PNRC1: variants seen among roughly 807,000 people sequenced by gnomAD.
PNRC1 encodes the protein proline rich nuclear receptor coactivator 1.
Under a neutral mutation model 20.2 loss-of-function variants are expected in PNRC1, and 6 were observed. The ratio of observed to expected loss-of-function variants is 0.30; its 90% CI spans 0.16 to 0.59. PNRC1 has a LOEUF of 0.59. Among genes scored for constraint, PNRC1 ranks in the 20% least tolerant of loss-of-function variants. The pLI is 0.89. For synonymous variants in PNRC1, 202 were observed against 186.9 expected (o/e 1.08, Z -0.66); for missense variants, 488 against 430.2 (o/e 1.13, Z -1.19).
At chr6:89,081,656 G>A (rs1768001280) in intron 1 of PNRC1, among the ~76,000 whole-genome samples, 1 of 152,134 alleles carries the variant, frequency 6.6e-6, no homozygotes, top group African/African-American at 2.4e-5. Context: ...TTGGCTCCCA[G>A]GAGTCGGCCA....
In PNRC1 at chr6:89,084,286, G is replaced by A; in HGVS notation, c.*90G>A. 1.2e-6 allele frequency: 1 copy of A among 803,864 alleles called. No individual in the cohort carries two copies. The highest frequency in any genetic ancestry group is 2.0e-5 in the South Asian group (1 of 49,360). The allele number at this position is 803,864 out of a possible 1,614,324, so 49.8% of individuals were successfully genotyped here. Reference sequence around the variant, plus strand: ...TGGTACAGAAATGGAAATTTGCCTTGTTGCAACATACAATTGCAAAAGATG... The same window carrying A: ...TGGTACAGAAATGGAAATTTGCCTTATTGCAACATACAATTGCAAAAGATG... On this transcript the variant is annotated 3_prime_UTR_variant, in exon 2 of 2. Coordinates refer to ENST00000336032, the MANE Select transcript of PNRC1 (RefSeq NM_006813.3).
chr6:89,081,365 G>C lies in PNRC1; in HGVS notation c.471G>C (p.Thr157=). Residue 157 remains threonine, a synonymous_variant, in exon 1 of 2, where the codon ACG becomes ACC. Transcript: ENST00000336032. The part of the protein sequence containing the change: ...LAPSPAAAAG[T]EGASPDLAPL... ...CGAGTCCTGCAGCCGCAGCCGGCACGGAGGGAGCCAGCCCCGACCTTGCCC... is the reference window on the plus strand; with the variant it reads ...CGAGTCCTGCAGCCGCAGCCGGCACCGAGGGAGCCAGCCCCGACCTTGCCC... 7.0e-7 allele frequency: 1 copy of C among 1,435,194 alleles called. No homozygotes were observed. Among genetic ancestry groups the C allele is most frequent in the East Asian group, 3.0e-5 (1 of 33,870 alleles). The allele number at this position is 1,435,194 out of a possible 1,614,324, so 88.9% of individuals were successfully genotyped here.
intron 1 of PNRC1, among the ~76,000 whole-genome samples, chr6:89,083,492 C>T (rs372359816): frequency 6.6e-5 from 10 of 152,198 alleles, no homozygotes; most frequent in East Asian, 1.9e-4. Context: ...TTGTTCCCCA[C>T]TATATCCATG....
At chr6:89,081,886 C>G (rs796538138) in intron 1 of PNRC1, 1 of 152,600 alleles carries the variant, frequency 6.6e-6, no homozygotes, top group Non-Finnish European at 1.5e-5. Context: ...GGCTTTCGGC[C>G]TCCCGGCTAT....
chr6:89,084,360 T>C lies in PNRC1; in HGVS notation c.*164T>C, dbSNP rs1416169333. 1.7e-6 allele frequency: 1 copy of C among 575,544 alleles called. No individual in the cohort carries two copies. The highest frequency in any genetic ancestry group is 3.1e-6 in the Non-Finnish European group (1 of 321,770). The allele number at this position is 575,544 out of a possible 1,614,324, so 35.7% of individuals were successfully genotyped here. ...AGCTTGTATTATATTTTATATTTTG[T>C]AAATACTGTATACCATGTATTATGT... On this transcript the variant is annotated 3_prime_UTR_variant, in exon 2 of 2. Coordinates refer to ENST00000336032, the MANE Select transcript of PNRC1 (RefSeq NM_006813.3).
At chr6:89,082,490 G>A (rs1000610051) in intron 1 of PNRC1, 1 of 152,124 alleles carries the variant, frequency 6.6e-6, no homozygotes, top group African/African-American at 2.4e-5. Context: ...CACGACTTTT[G>A]AAATATCCGT....
chr6:89,082,548 C>T (rs573366608), intron 1 of PNRC1: 2 of 152,332 alleles, frequency 1.3e-5, no homozygotes, highest in South Asian at 4.1e-4. Context: ...TTTTCTAGAA[C>T]AGGTACTAAC....
At position 89,081,007 on chromosome 6, in the gene PNRC1, C is replaced by T. The variant is rs933708411; in HGVS notation, c.113C>T (p.Ala38Val). The T allele has an allele frequency of 4.3e-6, 7 of 1,612,574 alleles. No homozygotes were observed. The highest frequency in any genetic ancestry group is 5.9e-6 in the Non-Finnish European group (7 of 1,179,878). Residue 38 changes from alanine (A) to valine (V), a missense_variant, in exon 1 of 2, where the codon GCT becomes GTT. Physicochemically the swap from Ala to Val is moderately conservative, Grantham distance 64. Coordinates refer to ENST00000336032, the MANE Select transcript of PNRC1 (RefSeq NM_006813.3). ...YFGALPMVTT[A>V]PPPLPRIPDP... ...GGGGCCCTCCCGATGGTGACCACGG[C>T]TCCGCCTCCTTTACCCCGGATCCCG...
In PNRC1 at chr6:89,081,365, G is replaced by A. The variant is rs1433193597; in HGVS notation, c.471G>A (p.Thr157=). 2 of 1,435,096 alleles carry A rather than the reference G, an allele frequency of 1.4e-6. No individual in the cohort carries two copies. Among genetic ancestry groups the A allele is most frequent in the Admixed American group, 5.9e-5 (2 of 33,934 alleles). 88.9% of individuals were successfully genotyped at this position (1,435,096 alleles called of 1,614,324 possible). A position where few individuals can be genotyped will look rare whatever the true frequency, so the allele number is the denominator to read the frequency against. The stretch of plus-strand genomic sequence containing the variant: ...CGAGTCCTGCAGCCGCAGCCGGCAC[G>A]GAGGGAGCCAGCCCCGACCTTGCCC... ...LAPSPAAAAG[T]EGASPDLAPL... The change falls in exon 1 of 2, where the codon ACG becomes ACA. Residue 157 remains threonine, a synonymous_variant. Transcript: ENST00000336032.
intron 1 of PNRC1, among the ~76,000 whole-genome samples, 187 bp from the exon 2 acceptor site, chr6:89,083,566 G>A (rs1768049502): frequency 6.6e-6 from 1 of 152,108 alleles, no homozygotes; most frequent in Non-Finnish European, 1.5e-5. Flanking sequence ...TTGGTTTTCT[G>A]TTTCTGCATT....
rs1285668464 is a variant in PNRC1, at chr6:89,080,949, G to T, written c.55G>T (p.Ala19Ser). 1 of 1,613,138 alleles carries T rather than the reference G, an allele frequency of 6.2e-7. No individual in the cohort carries two copies. The highest frequency in any genetic ancestry group is 8.5e-7 in the Non-Finnish European group (1 of 1,180,034). The change falls in exon 1 of 2, where the codon GCG becomes TCG. Residue 19 changes from alanine to serine, a missense_variant. Physicochemically the swap from Ala to Ser is moderately conservative, Grantham distance 99. Transcript: ENST00000336032. ...GCCGCTCGTCCTGGGTGGCCGCCTT[G>T]CGCCGCTTGGCTTTTCCTCCCGAGG... ...REPLVLGGRL[A>S]PLGFSSRGYF...
In PNRC1 at chr6:89,084,852, TTG is replaced by T. The variant is rs948538404; in HGVS notation, c.*663_*664del. 1.3e-5 allele frequency: 2 copies of T among 152,174 alleles called. No individual in the cohort carries two copies. Among genetic ancestry groups the T allele is most frequent in the African/African-American group, 4.8e-5 (2 of 41,440 alleles). The allele number at this position is 152,174 out of a possible 1,614,324, so 9.4% of individuals were successfully genotyped here. ...CCCCTTTTAAAATAGTCTTGACTCT[TTG>T]TGTGTGACTGTTTCTCATGTTTGAA... is the stretch of plus-strand genomic sequence containing the variant. On this transcript the variant is annotated 3_prime_UTR_variant, in exon 2 of 2. Transcript: ENST00000336032.
chr6:89,081,323 G>C lies in PNRC1; in HGVS notation c.429G>C (p.Pro143=). The C allele has an allele frequency of 6.8e-7, 1 of 1,464,996 alleles. No individual in the cohort carries two copies. Among genetic ancestry groups the C allele is most frequent in the Non-Finnish European group, 8.9e-7 (1 of 1,119,582 alleles). The allele number at this position is 1,464,996 out of a possible 1,614,324, so 90.7% of individuals were successfully genotyped here. A position where few individuals can be genotyped will look rare whatever the true frequency, so the allele number is the denominator to read the frequency against. Residue 143 remains proline (P), a synonymous_variant, in exon 1 of 2, where the codon CCG becomes CCC. Transcript: ENST00000336032. ...GPSGAQEVPG[P]AAALAPSPAA... ...GCGGAGCGCAGGAGGTCCCGGGCCC[G>C]GCCGCCGCCTTGGCCCCGAGTCCTG...
chr6:89,081,730 G>T (rs1348599185), intron 1 of PNRC1: 5 of 219,176 alleles, frequency 2.3e-5, no homozygotes, highest in Admixed American at 1.2e-4. Context: ...GTTCCAGGGG[G>T]TTTCGGCGTT....
In PNRC1 at chr6:89,081,101, C is replaced by T. The variant is rs774144102; in HGVS notation, c.207C>T (p.Thr69=). 2 of 1,609,044 alleles carry T rather than the reference C, an allele frequency of 1.2e-6. No homozygotes were observed. The highest frequency in any genetic ancestry group is 1.3e-5 in the African/African-American group (1 of 74,948). The change falls in exon 1 of 2, where the codon ACC becomes ACT. Residue 69 remains threonine (T), a synonymous_variant. Coordinates refer to ENST00000336032, the MANE Select transcript of PNRC1 (RefSeq NM_006813.3). ...TAGGGGGAGATGGCCCGTGTCTGAC[C>T]CCCCAGCCTCGCGCTCCAGCAGCTC... ...HFLGGDGPCL[T]PQPRAPAALP... is the part of the protein sequence containing the mutation.
In PNRC1 at chr6:89,083,980, C is replaced by G. The variant is rs142598704; in HGVS notation, c.768C>G (p.Thr256=). 9.9e-5 allele frequency: 160 copies of G among 1,613,674 alleles called. No homozygotes were observed. Among genetic ancestry groups the G allele is most frequent in the Non-Finnish European group, 1.3e-4 (154 of 1,179,930 alleles). Reference sequence around the variant, plus strand: ...AGGAAAAAAAGCCTTTTAAAAATACCGAGAACATTAAAAATTCGCATTTGA... The same window carrying G: ...AGGAAAAAAAGCCTTTTAAAAATACGGAGAACATTAAAAATTCGCATTTGA... ...QKQEKKPFKN[T]ENIKNSHLKK... The change falls in exon 2 of 2, where the codon ACC becomes ACG. Residue 256 remains threonine (T), a synonymous_variant. Transcript: ENST00000336032.
Position 89,081,110 on chromosome 6 carries a change from T to C in PNRC1, c.216T>C (p.Pro72=), listed in dbSNP as rs1386619255. 5 of 1,608,522 alleles carry C rather than the reference T, an allele frequency of 3.1e-6. No homozygotes were observed. The highest frequency in any genetic ancestry group is 4.2e-6 in the Non-Finnish European group (5 of 1,179,760). The change falls in exon 1 of 2, where the codon CCT becomes CCC. Residue 72 remains proline (P), a synonymous_variant. Transcript: ENST00000336032. ...GGDGPCLTPQ[P]RAPAALPNRS... is the part of the protein sequence containing the mutation. ...ATGGCCCGTGTCTGACCCCCCAGCC[T>C]CGCGCTCCAGCAGCTCTGCCCAACC...
chr6:89,082,628 A>T (rs771263051), intron 1 of PNRC1: 1 of 152,184 alleles, frequency 6.6e-6, no homozygotes, highest in Non-Finnish European at 1.5e-5. Flanking sequence ...TGTCTTGCTT[A>T]CTACCGCGTT....
At chr6:89,081,489 G>A (rs1344545961) in intron 1 of PNRC1, 55 bp downstream of exon 1, 3 of 1,045,936 alleles carry the variant, frequency 2.9e-6, no homozygotes, top group Non-Finnish European at 3.6e-6. Flanking sequence ...TCGCGGCCGA[G>A]CTCTGGGGCT....
Sources: gnomAD v4.1 joint callset for allele counts (sites outside exome capture counted in the v4.1 genomes callset) on GRCh38, gnomAD v4.1.1 for gene constraint, MANE v1.5 for transcripts, NCBI Gene and HGNC (gene_info 2026-07-23, HGNC 2026-07-21) for gene names.